Variants in RASSF5 observed in about 807,000 individuals in gnomAD.
The protein encoded by RASSF5 is Ras association domain family member 5.
A neutral mutation model predicts 40.5 loss-of-function variants in RASSF5; 25 were observed. That is an observed-to-expected ratio of 0.62 (90% CI 0.45 to 0.86). The LOEUF (loss-of-function observed/expected upper bound fraction) is 0.86. Ranked by LOEUF, RASSF5 falls within the 40% of genes least tolerant of loss-of-function variation. RASSF5 has a pLI of 0.00. For synonymous variants in RASSF5, 246 were observed against 252.4 expected, an observed-to-expected ratio of 0.97 and a Z score of 0.24; for missense variants, 521 against 572.8, an observed-to-expected ratio of 0.91 and a Z score of 0.92.
intron 1 of RASSF5, among the ~76,000 whole-genome samples, chr1:206,516,065 A>T (rs1553395360): frequency 2.0e-5 from 3 of 152,228 alleles, no homozygotes; most frequent in Non-Finnish European, 2.9e-5. Flanking sequence ...GGGTGATAAT[A>T]TATTGTACCC....
chr1:206,527,344 A>C (rs1420606474), intron 1 of RASSF5, among the ~76,000 whole-genome samples: 2 of 152,130 alleles, frequency 1.3e-5, no homozygotes, highest in Non-Finnish European at 2.9e-5. Flanking sequence ...GGGGGTTTGC[A>C]GAGGCTGGGC....
Position 206,538,244 on chromosome 1 carries a change from C to A in RASSF5, c.530C>A (p.Ser177Tyr), listed in dbSNP as rs1290113831. ...GACTGCAGTCAGCAGGAGGGTTTAT[C>A]CCGGGACAGACCCTCTCCAGAAAGC... Reference protein sequence around the residue: ...QLDCSQQEGLSRDRPSPESTL... With the variant: ...QLDCSQQEGLYRDRPSPESTL... Residue 177 changes from serine (S) to tyrosine (Y), a missense_variant, in exon 2 of 6, where the codon TCC (serine) becomes TAC (tyrosine). Physicochemically the swap from Ser to Tyr is moderately radical, Grantham distance 144 (BLOSUM62 -2). Coordinates refer to ENST00000579436, the MANE Select transcript of RASSF5 (RefSeq NM_182663.4). 6 of 1,614,086 alleles carry A rather than the reference C, an allele frequency of 3.7e-6. No individual in the cohort carries two copies. The highest frequency in any genetic ancestry group is 4.2e-6 in the Non-Finnish European group (5 of 1,180,040).
At chr1:206,525,716 T>A (rs1183656931) in intron 1 of RASSF5, among the ~76,000 whole-genome samples, 1 of 152,234 alleles carries the variant, frequency 6.6e-6, no homozygotes, top group Non-Finnish European at 1.5e-5. Flanking sequence ...CCTCCCACAG[T>A]GCTGGGATTA....
At chr1:206,542,518 C>T (rs11810793) in intron 2 of RASSF5, 2 of 152,156 alleles carry the variant, frequency 1.3e-5, no homozygotes, top group Admixed American at 1.3e-4. Context: ...AACCTTTTCT[C>T]TTTATAAATT....
intron 1 of RASSF5, chr1:206,529,753 C>T: frequency 4.3e-6 from 2 of 469,928 alleles, no homozygotes; most frequent in East Asian, 4.3e-5. Context: ...TAAAATACTA[C>T]AATTTTTCCT....
intron 2 of RASSF5, among the ~76,000 whole-genome samples, chr1:206,578,132 A>G (rs2103561658): frequency 6.6e-6 from 1 of 152,110 alleles, no homozygotes; most frequent in African/African-American, 2.4e-5. Flanking sequence ...AGGCTGAGGC[A>G]GGAGGATTGC....
chr1:206,569,322 G>C (rs1553403860), intron 2 of RASSF5, among the ~76,000 whole-genome samples: 1 of 152,230 alleles, frequency 6.6e-6, no homozygotes, highest in Admixed American at 6.5e-5. Flanking sequence ...TCAGGTTTTA[G>C]TGGCAACACA....
chr1:206,510,703 T>A (rs571111259), intron 1 of RASSF5, among the ~76,000 whole-genome samples: 1 of 152,300 alleles, frequency 6.6e-6, no homozygotes, highest in African/African-American at 2.4e-5. Flanking sequence ...TCCTACCTGA[T>A]GTCCTGCTGT....
chr1:206,533,655 T>C (rs1667303726), intron 1 of RASSF5, among the ~76,000 whole-genome samples: 2 of 151,932 alleles, frequency 1.3e-5, no homozygotes, highest in African/African-American at 4.8e-5. Flanking sequence ...CTCAGGACAC[T>C]GAGGTAGGAT....
intron 1 of RASSF5, among the ~76,000 whole-genome samples, chr1:206,508,528 G>A (rs1666528851): frequency 6.6e-6 from 1 of 152,126 alleles, no homozygotes; most frequent in African/African-American, 2.4e-5. Flanking sequence ...TTGTTTGTCC[G>A]CCCATGGTAC....
rs371740245 is a variant in RASSF5 at position 206,568,967 on chromosome 1, C to T, written c.580-14302C>T. ...CTATGACCACATCCATCTCTCTAGA[C>T]GCATATGAGGCTGGAAAGCCAGATG... On this transcript the variant is annotated intron_variant, in intron 2 of 5. Transcript: ENST00000579436. Among the ~76,000 whole-genome samples the T allele has an allele frequency of 2.0e-4, 30 of 152,262 alleles. 1 individual carries two copies. Among genetic ancestry groups the T allele is most frequent in the African/African-American group, 6.7e-4 (28 of 41,540 alleles).
intron 2 of RASSF5, among the ~76,000 whole-genome samples, chr1:206,562,503 T>C (rs1432499845): frequency 3.9e-5 from 6 of 152,206 alleles, no homozygotes; most frequent in African/African-American, 1.2e-4. Context: ...TAGCCTCATT[T>C]AGAGATGCCG....
intron 2 of RASSF5, 82 bp downstream of exon 2, chr1:206,538,375 G>T: frequency 6.3e-7 from 1 of 1,580,082 alleles, no homozygotes; most frequent in Middle Eastern, 2.3e-4. Flanking sequence ...AGGAGCTCTG[G>T]TGAGCAGGAG....
chr1:206,536,199 A>G (rs781809874), intron 1 of RASSF5, among the ~76,000 whole-genome samples: 1 of 152,182 alleles, frequency 6.6e-6, no homozygotes, highest in Non-Finnish European at 1.5e-5. Flanking sequence ...AGGACCAGAA[A>G]TGCATGTGGG....
intron 2 of RASSF5, among the ~76,000 whole-genome samples, chr1:206,581,412 A>G (rs1322553685): frequency 6.6e-6 from 1 of 152,140 alleles, no homozygotes. Context: ...AGCCTGGCCA[A>G]TATGGTGAAA....
rs150163860 is a variant in RASSF5 at position 206,584,436 on chromosome 1, G to A, written c.740G>A (p.Arg247Gln). The change falls in exon 4 of 6, where the codon CGG becomes CAG. Residue 247 changes from arginine (R) to glutamine (Q), a missense_variant. Physicochemically the swap from Arg to Gln is conservative, Grantham distance 43 (BLOSUM62 1). Around this residue, in one of 2 missense-constraint regions of RASSF5, gnomAD observed 284 missense variants for 360.8 expected, o/e 0.79. Transcript: ENST00000579436. This position sits in a 1 kb window ranked among gnomAD's most constrained non-coding sequence, Gnocchi z 4.9. ...TTCATCAAAGTGCATCTGAAACTCC[G>A]GCGGCCTGTGACGGTGCCTGCTGGG... ...TGFIKVHLKL[R>Q]RPVTVPAGIR... The A allele has an allele frequency of 6.2e-5, 100 of 1,613,992 alleles. No homozygotes were observed. Among genetic ancestry groups the A allele is most frequent in the Middle Eastern group, 1.6e-4 (1 of 6,084 alleles).
At chr1:206,517,312 A>G (rs1242788303) in intron 1 of RASSF5, among the ~76,000 whole-genome samples, 2 of 151,968 alleles carry the variant, frequency 1.3e-5, no homozygotes, top group African/African-American at 4.8e-5. Flanking sequence ...CCACCTCTAC[A>G]AAAAATATAA....
chr1:206,557,497 T>TGCCC lies in RASSF5; in HGVS notation c.579+19205_579+19208dup, dbSNP rs1445300124. On this transcript the variant is annotated intron_variant, in intron 2 of 5. Coordinates refer to ENST00000579436, the MANE Select transcript of RASSF5 (RefSeq NM_182663.4). ...ACGCCAAGCGGAGCCCGGGGAGGGG[T>TGCCC]GCCCACCTCCCTCCGCCGCATCCCA... 11 of 1,592,588 alleles carry TGCCC rather than the reference T, an allele frequency of 6.9e-6. No individual in the cohort carries two copies. In the African/African-American group the frequency reaches 1.5e-4, roughly 21 times the overall value.
intron 1 of RASSF5, among the ~76,000 whole-genome samples, chr1:206,536,334 C>G (rs1667392756): frequency 6.6e-6 from 1 of 152,160 alleles, no homozygotes; most frequent in Non-Finnish European, 1.5e-5. Flanking sequence ...GTGGGCTTCA[C>G]TTTCGAGCAC....
Sources: gnomAD v4.1 joint callset for allele counts (sites outside exome capture counted in the v4.1 genomes callset) on GRCh38, gnomAD v4.1.1 for gene constraint, gnomAD v4.1.1 regional missense constraint, Gnocchi (gnomAD v3.1) non-coding constraint, MANE v1.5 for transcripts, NCBI Gene and HGNC (gene_info 2026-07-23, HGNC 2026-07-21) for gene names.